AXL: variants seen among roughly 807,000 people sequenced by gnomAD.
AXL encodes AXL receptor tyrosine kinase.
In AXL, 52 loss-of-function variants were observed where a neutral mutation model predicts 104.5. That is an observed-to-expected ratio of 0.50 (90% CI 0.40 to 0.63). The LOEUF is 0.63. AXL is among the 20% of genes least tolerant of loss of function. AXL has a pLI of 0.00. For synonymous variants in AXL, 455 were observed against 473.7 expected (o/e 0.96, Z 0.51); for missense variants, 1,024 against 1,188.5 (o/e 0.86, Z 2.04).
At chr19:41,245,378 G>T (rs770466626) in intron 12 of AXL, among the ~76,000 whole-genome samples, 3 of 152,218 alleles carry the variant, frequency 2.0e-5, no homozygotes, top group Non-Finnish European at 4.4e-5. Context: ...TTAGAAGGCT[G>T]GAAAGCCATG....
chr19:41,255,664 C>T (rs948344854), intron 17 of AXL, among the ~76,000 whole-genome samples: 6 of 151,802 alleles, frequency 4.0e-5, no homozygotes, highest in African/African-American at 1.2e-4. Flanking sequence ...TGGTCTTGAA[C>T]TCCTAGCCTC....
chr19:41,222,064 C>G lies in AXL; in HGVS notation c.586+8C>G, dbSNP rs369113578. 2 of 1,539,808 alleles carry G rather than the reference C, an allele frequency of 1.3e-6. No individual in the cohort carries two copies. The highest frequency in any genetic ancestry group is 1.7e-6 in the Non-Finnish European group (2 of 1,147,476). ...GCAGCCTGCATGTTCCAGGTGAGTC[C>G]GGGGATGTGGGTCAGCTCCGAATAG... On this transcript the variant is annotated splice_region_variant and intron_variant, in intron 4 of 19. Coordinates refer to ENST00000301178, the MANE Select transcript of AXL (RefSeq NM_021913.5).
At chr19:41,247,094 AT>A (rs1283961059) in intron 12 of AXL, among the ~76,000 whole-genome samples, 1 of 152,240 alleles carries the variant, frequency 6.6e-6, no homozygotes, top group African/African-American at 2.4e-5. Flanking sequence ...ATGTGATTCC[AT>A]TTTTATAATA....
intron 10 of AXL, among the ~76,000 whole-genome samples, chr19:41,242,577 G>A (rs368377482): frequency 1.3e-5 from 2 of 151,924 alleles, no homozygotes; most frequent in Non-Finnish European, 2.9e-5. Flanking sequence ...TAACCCACCC[G>A]CCTTGGCCTC....
intron 8 of AXL, among the ~76,000 whole-genome samples, chr19:41,238,855 G>A (rs886318202): frequency 6.6e-6 from 1 of 152,016 alleles, no homozygotes; most frequent in Non-Finnish European, 1.5e-5. Flanking sequence ...ACTATATAAC[G>A]ATTTTACAGC....
At chr19:41,253,100 G>A in intron 16 of AXL, 133 bp downstream of exon 16, 1 of 942,566 alleles carries the variant, frequency 1.1e-6, no homozygotes, top group South Asian at 1.7e-5. Flanking sequence ...CAGCAGGGGA[G>A]GGGCGGATGA....
At chr19:41,233,697 GAGAGGGGCCCC>G (rs1272840450) in intron 6 of AXL, among the ~76,000 whole-genome samples, 2 of 146,930 alleles carry the variant, frequency 1.4e-5, no homozygotes, top group African/African-American at 5.0e-5. Flanking sequence ...CTGAGGCCCA[GAGAGGGGCCCC>G]CTCTCTGGGC....
intron 3 of AXL, 24 bp downstream of exon 3, chr19:41,221,270 T>C (rs746215932): frequency 1.9e-6 from 3 of 1,603,964 alleles, no homozygotes; most frequent in Non-Finnish European, 2.6e-6. Context: ...TCAGGGGTCC[T>C]GAGGGGTCAG....
intron 12 of AXL, among the ~76,000 whole-genome samples, chr19:41,246,165 A>C (rs1162489579): frequency 6.6e-6 from 1 of 152,120 alleles, no homozygotes; most frequent in Non-Finnish European, 1.5e-5. Context: ...AAAATTTATC[A>C]GGCTGGGCAT....
chr19:41,222,573 C>T (rs1379250355), intron 4 of AXL, among the ~76,000 whole-genome samples: 1 of 152,204 alleles, frequency 6.6e-6, no homozygotes, highest in South Asian at 2.1e-4. Flanking sequence ...CCGGTCCCCA[C>T]TGGGGAGATG....
intron 17 of AXL, 28 bp downstream of exon 17, chr19:41,253,736 C>A (rs369982011): frequency 1.9e-4 from 238 of 1,262,708 alleles, no homozygotes; most frequent in East Asian, 5.5e-4. Context: ...ACCCCCCCCC[C>A]CCAACTGCTC....
Position 41,243,690 on chromosome 19 carries a change from G to C in AXL, c.1520G>C (p.Arg507Pro). The C allele has an allele frequency of 6.2e-7, 1 of 1,614,000 alleles. No homozygotes were observed. Among genetic ancestry groups the C allele is most frequent in the East Asian group, 2.2e-5 (1 of 44,876 alleles). ...CGCGTGCGCAAGTCCTACAGTCGTC[G>C]GACCACTGAAGCTACCTGTAAGTGA... ...RYRVRKSYSR[R>P]TTEATLNSLG... is the part of the protein sequence containing the mutation. The change falls in exon 12 of 20, where the codon CGG (arginine) becomes CCG (proline). Residue 507 changes from arginine (R) to proline (P), a missense_variant. Transcript: ENST00000301178.
At position 41,259,834 on chromosome 19, in the gene AXL, C is replaced by T. The variant is rs748081636; in HGVS notation, c.2615C>T (p.Thr872Ile). The change falls in exon 20 of 20, where the codon ACA (threonine) becomes ATA (isoleucine). Residue 872 changes from threonine to isoleucine, a missense_variant. Thr to Ile is a moderately conservative substitution (Grantham distance 89, BLOSUM62 -1). Transcript: ENST00000301178. ...GGACGCTATGTCCTCTGCCCTTCCA[C>T]AACCCCTAGCCCCGCTCAGCCTGCT... ...PAGRYVLCPS[T>I]TPSPAQPADR... 6.2e-7 allele frequency: 1 copy of T among 1,613,538 alleles called. No homozygotes were observed. The highest frequency in any genetic ancestry group is 1.1e-5 in the South Asian group (1 of 90,984).
In AXL at chr19:41,235,088, C is replaced by T. The variant is rs564487909; in HGVS notation, c.784-2856C>T. Among the ~76,000 whole-genome samples, 427 of 152,246 alleles carry T rather than the reference C, an allele frequency of 2.8e-3. 3 individuals are homozygous for T. Among genetic ancestry groups the T allele is most frequent in the Middle Eastern group, 0.01 (3 of 294 alleles). ...AAGTGACAGGCCGGGCACGGTGGCTCGTGCCTGTGATCCCAGCACTTTGGG... is the reference window on the plus strand; with the variant it reads ...AAGTGACAGGCCGGGCACGGTGGCTTGTGCCTGTGATCCCAGCACTTTGGG... On this transcript the variant is annotated intron_variant, in intron 6 of 19. Transcript: ENST00000301178.
At chr19:41,258,112 A>T (rs2034482812) in intron 19 of AXL, among the ~76,000 whole-genome samples, 1 of 152,126 alleles carries the variant, frequency 6.6e-6, no homozygotes, top group African/African-American at 2.4e-5. Context: ...TGCTTACCAA[A>T]CTTTGCAATA....
intron 13 of AXL, 67 bp downstream of exon 13, chr19:41,248,676 C>G: frequency 1.2e-6 from 2 of 1,611,582 alleles, no homozygotes; most frequent in Non-Finnish European, 1.7e-6. Context: ...CACACTCCCA[C>G]CCAACTATAG....
Position 41,252,952 on chromosome 19 carries a change from C to T in AXL, c.1911C>T (p.Leu637=), listed in dbSNP as rs771768158. 14 of 1,614,090 alleles carry T rather than the reference C, an allele frequency of 8.7e-6. No individual in the cohort carries two copies. The highest frequency in any genetic ancestry group is 2.2e-5 in the East Asian group (1 of 44,878). Residue 637 remains leucine, a synonymous_variant, in exon 16 of 20, where the codon CTC becomes CTT. Transcript: ENST00000301178. The part of the protein sequence containing the change: ...DLHSFLLYSR[L]GDQPVYLPTQ... ...ACAGCTTCCTCCTCTATTCCCGGCT[C>T]GGGGACCAGCCAGTGGTAAGGGGCG... is the stretch of plus-strand genomic sequence containing the variant.
At chr19:41,257,401 T>A in intron 18 of AXL, 92 bp from the exon 19 acceptor site, 1 of 1,498,946 alleles carries the variant, frequency 6.7e-7, no homozygotes, top group Non-Finnish European at 9.2e-7. Context: ...TGTGAACATG[T>A]GTACATAAGT....
intron 6 of AXL, among the ~76,000 whole-genome samples, chr19:41,234,361 C>T (rs2034043545): frequency 1.3e-5 from 2 of 152,204 alleles, no homozygotes; most frequent in African/African-American, 4.8e-5. Context: ...TGGCTCACAC[C>T]TGTAATACTA....
Sources: allele counts gnomAD v4.1 joint callset (sites outside exome capture counted in the v4.1 genomes callset), GRCh38; gene constraint gnomAD v4.1.1; transcripts MANE v1.5; gene names NCBI Gene and HGNC (gene_info 2026-07-23, HGNC 2026-07-21).